Variants in ELP3 observed in about 807,000 individuals in gnomAD.
The protein encoded by ELP3 is elongator acetyltransferase complex subunit 3.
ELP3 carries 56 observed loss-of-function variants against 74.9 expected under a neutral mutation model. The ratio of observed to expected loss-of-function variants is 0.75; its 90% CI spans 0.60 to 0.93. ELP3 has a LOEUF of 0.93. ELP3 is among the 40% of genes least tolerant of loss of function. ELP3 has a pLI of 0.00. For missense variants in ELP3, 573 were observed against 686.5 expected, an observed-to-expected ratio of 0.83 and a Z score of 1.85; for synonymous variants, 222 against 239.8, an observed-to-expected ratio of 0.93 and a Z score of 0.68.
chr8:28,116,386 C>T (rs1056909232), intron 7 of ELP3, among the ~76,000 whole-genome samples: 1 of 152,114 alleles, frequency 6.6e-6, no homozygotes, highest in African/African-American at 2.4e-5. Context: ...GTGATTTCTT[C>T]GTCTTACAGG....
intron 7 of ELP3, among the ~76,000 whole-genome samples, chr8:28,120,072 C>G (rs1812308944): frequency 6.6e-6 from 1 of 152,064 alleles, no homozygotes. Flanking sequence ...TTGTGTAAGT[C>G]TTTTTGTGGC....
rs563453661 is a variant in ELP3 at position 28,135,636 on chromosome 8, G to A, written c.907-2062G>A. 1.8e-4 allele frequency among the ~76,000 whole-genome samples: 28 copies of A among 152,184 alleles called. No homozygotes were observed. In the Middle Eastern group the frequency reaches 0.01, roughly 55 times the overall value. ...ACTAAATGTTCTCATCTGCCTGTTC[G>A]GGAAAGGCTAAGGGTTAACGGATAA... On this transcript the variant is annotated intron_variant, in intron 9 of 14. Coordinates refer to ENST00000256398, the MANE Select transcript of ELP3 (RefSeq NM_018091.6).
chr8:28,120,265 T>C (rs1249653112), intron 7 of ELP3, among the ~76,000 whole-genome samples: 1 of 152,222 alleles, frequency 6.6e-6, no homozygotes, highest in Non-Finnish European at 1.5e-5. Context: ...CTCTTTTTAA[T>C]TTTAGCCATT....
At chr8:28,162,216 T>G (rs1814125706) in intron 14 of ELP3, 138 bp downstream of exon 14, 1 of 855,564 alleles carries the variant, frequency 1.2e-6, no homozygotes, top group East Asian at 2.6e-5. Context: ...GCGAAGGACT[T>G]GTGCTCAAAC....
chr8:28,133,955 T>G (rs557955639), intron 9 of ELP3, among the ~76,000 whole-genome samples: 68 of 151,674 alleles, frequency 4.5e-4, no homozygotes, highest in South Asian at 2.9e-3. Flanking sequence ...TTATCATGAT[T>G]ATTATTATTA....
rs866378263 is a variant in ELP3, at chr8:28,167,773, T to C, written c.1567+5695T>C. ...AATTAAATGTACATTTTCTGGGTTC[T>C]GTATATTCCTCTGTTCCATTTTGGT... is the stretch of plus-strand genomic sequence containing the variant. On this transcript the variant is annotated intron_variant, in intron 14 of 14. Transcript: ENST00000256398. 3.3e-5 allele frequency among the ~76,000 whole-genome samples: 5 copies of C among 152,250 alleles called. No individual in the cohort carries two copies. The South Asian group carries it at 8.3e-4, about 25-fold the overall frequency.
chr8:28,156,045 A>G lies in ELP3; in HGVS notation c.1191+13A>G, dbSNP rs1813814461. 1 of 1,607,596 alleles carries G rather than the reference A, an allele frequency of 6.2e-7. No homozygotes were observed. Among genetic ancestry groups the G allele is most frequent in the South Asian group, 1.1e-5 (1 of 90,888 alleles). ...CCTCGGAATACAGGTAAGAGCAAAT[A>G]TGGCGGTCAGGCCACAACTGTTGAG... On this transcript the variant is annotated intron_variant, in intron 11 of 14. Coordinates refer to ENST00000256398, the MANE Select transcript of ELP3 (RefSeq NM_018091.6).
intron 11 of ELP3, 115 bp from the exon 12 acceptor site, chr8:28,158,453 G>A (rs1016289949): frequency 5.4e-6 from 4 of 737,792 alleles, no homozygotes; most frequent in Non-Finnish European, 9.4e-6. Context: ...ACTTAATTTT[G>A]AGCCCAGGGT....
chr8:28,164,252 G>T (rs1982441), intron 14 of ELP3, among the ~76,000 whole-genome samples: 14,651 of 152,098 alleles, frequency 0.096, 986 homozygotes, highest in Non-Finnish European at 0.14. Context: ...TATGAGCGGG[G>T]TGATTTCCAT....
intron 7 of ELP3, among the ~76,000 whole-genome samples, chr8:28,115,491 T>C (rs1021528054): frequency 6.6e-6 from 1 of 152,056 alleles, no homozygotes; most frequent in African/African-American, 2.4e-5. Flanking sequence ...GGAAAGGACA[T>C]GGGAAATGGC....
intron 10 of ELP3, among the ~76,000 whole-genome samples, chr8:28,143,823 A>G (rs1813333947): frequency 6.6e-6 from 1 of 152,188 alleles, no homozygotes; most frequent in Non-Finnish European, 1.5e-5. Context: ...GCATCTTTTC[A>G]TTATTATTAT....
At chr8:28,173,086 A>G (rs186193503) in intron 14 of ELP3, among the ~76,000 whole-genome samples, 33 of 152,096 alleles carry the variant, frequency 2.2e-4, no homozygotes, top group Middle Eastern at 3.4e-3. Context: ...ATGATGGTCT[A>G]TAGTTTTCTT....
intron 7 of ELP3, among the ~76,000 whole-genome samples, chr8:28,126,943 T>A (rs376687667): frequency 2.6e-5 from 4 of 152,300 alleles, no homozygotes; most frequent in Admixed American, 2.0e-4. Flanking sequence ...AATTTCTGTT[T>A]AATTGCTTTT....
At chr8:28,130,780 A>C (rs962424909) in intron 8 of ELP3, among the ~76,000 whole-genome samples, 6 of 152,216 alleles carry the variant, frequency 3.9e-5, no homozygotes, top group African/African-American at 1.4e-4. Context: ...GGCAGAAAGA[A>C]AATAATGAAC....
At chr8:28,183,238 A>G (rs1177147392) in intron 14 of ELP3, 1 of 461,898 alleles carries the variant, frequency 2.2e-6, no homozygotes, top group East Asian at 6.4e-5. Context: ...CCACCACAGA[A>G]GCTGTTCACT....
In ELP3 at chr8:28,132,999, T is replaced by C. The variant is rs80271006; in HGVS notation, c.906+595T>C. ...GAAACATTTTAAGAATCTCACTGTATTAATAAGTTGCTTTGCAGAGAGTTA... is the reference window on the plus strand; with the variant it reads ...GAAACATTTTAAGAATCTCACTGTACTAATAAGTTGCTTTGCAGAGAGTTA... On this transcript the variant is annotated intron_variant, in intron 9 of 14. Coordinates refer to ENST00000256398, the MANE Select transcript of ELP3 (RefSeq NM_018091.6). 7.7e-3 allele frequency among the ~76,000 whole-genome samples: 1,175 copies of C among 152,236 alleles called. 21 individuals carry two copies. Among genetic ancestry groups the C allele is most frequent in the African/African-American group, 0.026 (1,091 of 41,556 alleles).
intron 11 of ELP3, among the ~76,000 whole-genome samples, chr8:28,158,050 CAAAAAAAAA>C (rs11323782): frequency 4.3e-5 from 4 of 93,664 alleles, no homozygotes; most frequent in Admixed American, 1.2e-4. Context: ...GCCCTTCTTG[CAAAAAAAAA>C]AAAAAAAAAA....
At chr8:28,130,478 G>A (rs958624030) in intron 8 of ELP3, among the ~76,000 whole-genome samples, 7 of 152,218 alleles carry the variant, frequency 4.6e-5, no homozygotes, top group African/African-American at 7.2e-5. Flanking sequence ...ATGCCAGGCC[G>A]AGGAGGATGG....
chr8:28,111,582 C>T lies in ELP3; in HGVS notation c.462+1144C>T, dbSNP rs555716563. On this transcript the variant is annotated intron_variant, in intron 6 of 14. Transcript: ENST00000256398. ...GTATGAGGAACAGGATTGTCGGTGA[C>T]AGGAGAGGACTCCATCTGGGGGAGC... Among the ~76,000 whole-genome samples, 8 of 152,322 alleles carry T rather than the reference C, an allele frequency of 5.3e-5. No homozygotes were observed. In the South Asian group the frequency reaches 1.7e-3, roughly 32 times the overall value.
Sources: gnomAD v4.1 joint callset for allele counts (sites outside exome capture counted in the v4.1 genomes callset) on GRCh38, gnomAD v4.1.1 for gene constraint, MANE v1.5 for transcripts, NCBI Gene and HGNC (gene_info 2026-07-23, HGNC 2026-07-21) for gene names.